Variants in ARL15 observed in about 807,000 individuals in gnomAD.
ARL15 encodes ARF like GTPase 15.
Under a neutral mutation model 25.2 loss-of-function variants are expected in ARL15, and 19 were observed. The observed-to-expected ratio is 0.75, with a 90% CI of 0.53 to 1.10. The LOEUF is 1.10. ARL15 is among the 50% of genes least tolerant of loss of function. The pLI, the probability that ARL15 is intolerant of heterozygous loss-of-function variation, is 0.00. For missense variants in ARL15, 220 were observed against 246.0 expected, an observed-to-expected ratio of 0.89 and a Z score of 0.71; for synonymous variants, 94 against 86.8, an observed-to-expected ratio of 1.08 and a Z score of -0.46.
intron 4 of ARL15, among the ~76,000 whole-genome samples, chr5:54,032,599 C>CAA (rs34957256): frequency 5.7e-4 from 82 of 142,888 alleles, no homozygotes; most frequent in Admixed American, 3.9e-3. Context: ...GGTACAATGA[C>CAA]AAAAAAAAAA....
intron 3 of ARL15, among the ~76,000 whole-genome samples, chr5:54,128,330 A>G (rs1753323627): frequency 6.6e-6 from 1 of 152,218 alleles, no homozygotes; most frequent in Non-Finnish European, 1.5e-5. Flanking sequence ...CTAGTTCTTT[A>G]TGACTGTTGT....
chr5:54,202,026 C>A (rs545164429), intron 1 of ARL15, among the ~76,000 whole-genome samples: 1 of 152,024 alleles, frequency 6.6e-6, no homozygotes, highest in South Asian at 2.1e-4. Context: ...CAAATAAATT[C>A]GAAATTTGAC....
intron 2 of ARL15, among the ~76,000 whole-genome samples, chr5:54,157,317 T>C (rs1354648471): frequency 2.0e-5 from 3 of 152,272 alleles, no homozygotes; most frequent in African/African-American, 7.2e-5. Context: ...TATGTCACTG[T>C]TATTGTCTTT....
intron 4 of ARL15, among the ~76,000 whole-genome samples, chr5:53,937,131 C>A (rs1746373237): frequency 6.6e-6 from 1 of 152,156 alleles, no homozygotes; most frequent in African/African-American, 2.4e-5. Context: ...GTTCTCCGTC[C>A]CCGGAGGCTC....
In ARL15 at chr5:54,103,626, G is replaced by A. The variant is rs142557868; in HGVS notation, c.462+9576C>T. Among the ~76,000 whole-genome samples, 526 of 152,204 alleles carry A rather than the reference G, an allele frequency of 3.5e-3. 4 individuals are homozygous for A. The highest frequency in any genetic ancestry group is 7.1e-3 in the Admixed American group (109 of 15,280). On this transcript the variant is annotated intron_variant, in intron 4 of 4. Transcript: ENST00000504924. ...CCAAGCCTATGTACACTGGAAGAGT[G>A]GCCACTTCTAAGTTGCATTCAGTCT... is the stretch of plus-strand genomic sequence containing the variant.
At chr5:54,096,568 A>G (rs978501679) in intron 4 of ARL15, among the ~76,000 whole-genome samples, 8 of 152,022 alleles carry the variant, frequency 5.3e-5, no homozygotes, top group Admixed American at 4.6e-4. Context: ...CCGCCACCAC[A>G]CCCAGCTAAT....
intron 3 of ARL15, among the ~76,000 whole-genome samples, 187 bp from the exon 4 acceptor site, chr5:54,113,597 A>G (rs1042515324): frequency 1.3e-5 from 2 of 152,254 alleles, no homozygotes; most frequent in East Asian, 1.9e-4. Context: ...AGAAGGCAGT[A>G]GAGCCAATAG....
At chr5:53,901,258 T>A (rs1267702413) in intron 4 of ARL15, among the ~76,000 whole-genome samples, 1 of 152,204 alleles carries the variant, frequency 6.6e-6, no homozygotes, top group Non-Finnish European at 1.5e-5. Context: ...TCTACTTGAT[T>A]TTTTATCTTC....
intron 4 of ARL15, among the ~76,000 whole-genome samples, chr5:53,975,115 CT>C (rs1404190884): frequency 6.6e-6 from 1 of 152,054 alleles, no homozygotes; most frequent in East Asian, 1.9e-4. Flanking sequence ...AAAATCTAAC[CT>C]TTTTTTTCCT....
At chr5:54,228,069 T>C (rs916903561) in intron 1 of ARL15, among the ~76,000 whole-genome samples, 5 of 152,182 alleles carry the variant, frequency 3.3e-5, no homozygotes, top group African/African-American at 1.2e-4. Context: ...CAGAGGACCC[T>C]GGGCACCTTA....
In ARL15 at chr5:54,135,378, T is replaced by A. The variant is rs953952328; in HGVS notation, c.253+19202A>T. Among the ~76,000 whole-genome samples, 8 of 152,272 alleles carry A rather than the reference T, an allele frequency of 5.3e-5. No individual in the cohort carries two copies. In the East Asian group the frequency reaches 5.8e-4, roughly 11 times the overall value. ...TTTTACAAGGGACCCCACAATTTAA[T>A]ACTTCTCCAGGAGACAAGGAGGATC... On this transcript the variant is annotated intron_variant, in intron 3 of 4. Coordinates refer to ENST00000504924, the MANE Select transcript of ARL15 (RefSeq NM_019087.3).
At chr5:54,233,571 C>T (rs546758824) in intron 1 of ARL15, among the ~76,000 whole-genome samples, 2 of 152,294 alleles carry the variant, frequency 1.3e-5, no homozygotes, top group South Asian at 2.1e-4. Flanking sequence ...TGTAATATTA[C>T]AAAGTCATGC....
At chr5:54,007,115 T>G (rs1370977045) in intron 4 of ARL15, among the ~76,000 whole-genome samples, 2 of 152,222 alleles carry the variant, frequency 1.3e-5, no homozygotes, top group Admixed American at 1.3e-4. Flanking sequence ...GGGCTGGTTC[T>G]GCCTTGCTTG....
intron 3 of ARL15, among the ~76,000 whole-genome samples, chr5:54,132,229 AAT>A (rs1183807471): frequency 2.0e-5 from 3 of 152,122 alleles, no homozygotes; most frequent in South Asian, 4.1e-4. Flanking sequence ...ACAGAAACAA[AAT>A]ATGTCTTATA....
intron 4 of ARL15, among the ~76,000 whole-genome samples, chr5:53,899,539 T>C (rs1314305004): frequency 6.6e-6 from 1 of 152,036 alleles, no homozygotes; most frequent in South Asian, 2.1e-4. Context: ...TTGCTCTTTT[T>C]TCTCCTACTT....
intron 4 of ARL15, among the ~76,000 whole-genome samples, chr5:54,043,654 A>G (rs1750412312): frequency 6.6e-6 from 1 of 152,132 alleles, no homozygotes; most frequent in East Asian, 1.9e-4. Flanking sequence ...GAAAGAGAAC[A>G]TTTACCACCA....
At chr5:53,905,662 ATC>A (rs1247966160) in intron 4 of ARL15, among the ~76,000 whole-genome samples, 5 of 152,116 alleles carry the variant, frequency 3.3e-5, no homozygotes, top group African/African-American at 9.7e-5. Context: ...TGAAATTATC[ATC>A]TGTTTCTTTC....
intron 3 of ARL15, among the ~76,000 whole-genome samples, chr5:54,152,697 G>T (rs2112343596): frequency 6.6e-6 from 1 of 152,264 alleles, no homozygotes; most frequent in East Asian, 1.9e-4. Context: ...CCTTTTACCT[G>T]CATCTCTTAA....
chr5:54,263,551 C>T (rs1211412029), intron 1 of ARL15, among the ~76,000 whole-genome samples: 1 of 152,070 alleles, frequency 6.6e-6, no homozygotes, highest in African/African-American at 2.4e-5. Context: ...GTCTATAACC[C>T]TATGGTTCCA....
Sources: allele counts gnomAD v4.1 joint callset (sites outside exome capture counted in the v4.1 genomes callset), GRCh38; gene constraint gnomAD v4.1.1; transcripts MANE v1.5; gene names NCBI Gene and HGNC (gene_info 2026-07-23, HGNC 2026-07-21).